Variants in AFG2A observed in about 807,000 individuals in gnomAD.
AFG2A encodes the protein ATPase family gene 2 protein homolog A.
At chr4:123,293,738 C>T in the AFG2A span, among the ~76,000 whole-genome samples, 3 of 152,196 alleles carry the variant, frequency 2.0e-5, no homozygotes, top group African/African-American at 7.2e-5. Flanking sequence ...GCAATCCACT[C>T]CTGTACTTGT....
the AFG2A span, among the ~76,000 whole-genome samples, chr4:123,076,701 CCT>C: frequency 6.6e-6 from 1 of 151,540 alleles, no homozygotes; most frequent in Non-Finnish European, 1.5e-5. Context: ...ATTTTTTTCC[CCT>C]CTTAAAGGAG....
At chr4:123,222,370 G>T in the AFG2A span, among the ~76,000 whole-genome samples, 1 of 152,028 alleles carries the variant, frequency 6.6e-6, no homozygotes, top group Non-Finnish European at 1.5e-5. Context: ...TCATTTTCAG[G>T]CACCAAAAGT....
chr4:123,212,980 A>C, the AFG2A span, among the ~76,000 whole-genome samples: 1 of 152,164 alleles, frequency 6.6e-6, no homozygotes, highest in East Asian at 1.9e-4. Flanking sequence ...TAACAGCATA[A>C]TCATAAAATA....
At chr4:123,237,500 G>T in the AFG2A span, among the ~76,000 whole-genome samples, 2 of 151,758 alleles carry the variant, frequency 1.3e-5, no homozygotes, top group Non-Finnish European at 2.9e-5. Context: ...TGGTGAAACT[G>T]TGTCTCTACT....
At chr4:123,313,398 A>G in the AFG2A span, among the ~76,000 whole-genome samples, 2 of 152,254 alleles carry the variant, frequency 1.3e-5, no homozygotes, top group African/African-American at 4.8e-5. Flanking sequence ...TTGGTAATAC[A>G]TCAAAGGTTG....
the AFG2A span, among the ~76,000 whole-genome samples, chr4:123,279,553 C>G: frequency 6.6e-6 from 1 of 152,162 alleles, no homozygotes. Context: ...TTTACTAACT[C>G]TATGACTCTG....
the AFG2A span, among the ~76,000 whole-genome samples, chr4:123,186,400 G>C: frequency 6.6e-6 from 1 of 152,154 alleles, no homozygotes; most frequent in Admixed American, 6.5e-5. Context: ...TGCCTTTTCA[G>C]AATGAGGCAA....
At chr4:122,928,036 T>C in the AFG2A span, among the ~76,000 whole-genome samples, 1 of 152,210 alleles carries the variant, frequency 6.6e-6, no homozygotes, top group African/African-American at 2.4e-5. Context: ...CAAGCAGGAA[T>C]AAATGAAAAA....
At chr4:123,128,632 C>G in the AFG2A span, among the ~76,000 whole-genome samples, 4 of 151,832 alleles carry the variant, frequency 2.6e-5, no homozygotes, top group African/African-American at 9.7e-5. Context: ...ATTGAATATT[C>G]TAGTGAATGG....
At chr4:123,128,253 A>G in the AFG2A span, among the ~76,000 whole-genome samples, 8 of 152,302 alleles carry the variant, frequency 5.3e-5, no homozygotes, top group South Asian at 1.2e-3. Context: ...TCATGCGTTT[A>G]AGTTCAGAAA....
the AFG2A span, among the ~76,000 whole-genome samples, chr4:123,041,277 A>ATTTTTTTTTTTTTTTTTTT: frequency 8.5e-6 from 1 of 118,178 alleles, no homozygotes; most frequent in Non-Finnish European, 1.7e-5. Flanking sequence ...CGCCCAGCTA[A>ATTTTTTTTTTTTTTTTTTT]TTTTTTTTTT....
the AFG2A span, among the ~76,000 whole-genome samples, chr4:123,084,911 G>A: frequency 2.0e-5 from 3 of 152,002 alleles, no homozygotes; most frequent in Non-Finnish European, 2.9e-5. Context: ...GATTACAGGC[G>A]TGAGCTACTG....
At chr4:123,257,724 A>T in the AFG2A span, among the ~76,000 whole-genome samples, 1 of 152,234 alleles carries the variant, frequency 6.6e-6, no homozygotes, top group Non-Finnish European at 1.5e-5. Context: ...TTGTATGATG[A>T]TATGGCAATT....
chr4:123,093,853 G>A, the AFG2A span, among the ~76,000 whole-genome samples: 1 of 152,196 alleles, frequency 6.6e-6, no homozygotes, highest in African/African-American at 2.4e-5. Context: ...GACTTTAGAA[G>A]ATACAAACTT....
chr4:123,102,798 C>CTGTGTGTGTGTGTGTGTGTGTG, the AFG2A span, among the ~76,000 whole-genome samples: 9 of 141,156 alleles, frequency 6.4e-5, no homozygotes, highest in African/African-American at 2.4e-4. Context: ...TCCTGGCATT[C>CTGTGTGTGTGTGTGTGTGTGTG]TGTGTGTGTG....
the AFG2A span, among the ~76,000 whole-genome samples, chr4:123,208,184 A>T: frequency 0.65 from 98,936 of 152,032 alleles, 32,684 homozygotes; most frequent in Non-Finnish European, 0.69. Flanking sequence ...AGACCATTCA[A>T]TGGGGAAATA....
At chr4:123,003,408 GCT>G in the AFG2A span, among the ~76,000 whole-genome samples, 2 of 152,158 alleles carry the variant, frequency 1.3e-5, no homozygotes, top group East Asian at 1.9e-4. Context: ...CAGTTTTTCT[GCT>G]CTGTTTTTTC....
the AFG2A span, among the ~76,000 whole-genome samples, chr4:123,247,879 T>A: frequency 6.6e-6 from 1 of 152,238 alleles, no homozygotes; most frequent in Non-Finnish European, 1.5e-5. Context: ...ATAATTTGAC[T>A]TACCTCATCC....
chr4:123,064,629 T>C, the AFG2A span, among the ~76,000 whole-genome samples: 2 of 152,162 alleles, frequency 1.3e-5, no homozygotes, highest in Non-Finnish European at 2.9e-5. Context: ...ACATGTAGGG[T>C]TGGCCCAGTC....
Sources: allele counts gnomAD v4.1 joint callset (sites outside exome capture counted in the v4.1 genomes callset), GRCh38; gene constraint gnomAD v4.1.1; transcripts MANE v1.5; gene names NCBI Gene and HGNC (gene_info 2026-07-23, HGNC 2026-07-21).